FHIP1A: variants seen among roughly 807,000 people sequenced by gnomAD.
FHIP1A encodes FHF complex subunit HOOK interacting protein 1A.
A neutral mutation model predicts 88.6 loss-of-function variants in FHIP1A; 61 were observed. The ratio of observed to expected loss-of-function variants is 0.69; its 90% CI spans 0.56 to 0.85. The LOEUF (loss-of-function observed/expected upper bound fraction) is 0.85. FHIP1A is among the 40% of genes least tolerant of loss of function. The pLI, the probability that FHIP1A is intolerant of heterozygous loss-of-function variation, is 0.00. For missense variants in FHIP1A, 1,154 were observed against 1,273.5 expected (o/e 0.91, Z 1.43); for synonymous variants, 478 against 496.0 (o/e 0.96, Z 0.48).
intron 3 of FHIP1A, among the ~76,000 whole-genome samples, chr4:151,508,700 G>C (rs192420738): frequency 5.9e-5 from 9 of 152,266 alleles, no homozygotes; most frequent in African/African-American, 2.2e-4. Flanking sequence ...CCAAAAATAG[G>C]TGACTTGGAC....
chr4:151,596,894 C>T (rs1181464661), intron 7 of FHIP1A, among the ~76,000 whole-genome samples: 1 of 152,096 alleles, frequency 6.6e-6, no homozygotes, highest in Non-Finnish European at 1.5e-5. Flanking sequence ...ACATTCTTTT[C>T]TAAACTGGTT....
Position 151,656,422 on chromosome 4 carries a change from G to T in FHIP1A, c.2730+12G>T. 1 of 1,550,900 alleles carries T rather than the reference G, an allele frequency of 6.4e-7. No homozygotes were observed. Among genetic ancestry groups the T allele is most frequent in the Non-Finnish European group, 8.7e-7 (1 of 1,146,498 alleles). ...GCTCTCTCTATCAGGTATGTTAGCT[G>T]AACCCACATCCACACCTGTTGATTT... On this transcript the variant is annotated intron_variant, in intron 12 of 13. Coordinates refer to ENST00000435205, the MANE Select transcript of FHIP1A (RefSeq NM_001109977.3). This position sits in a 1 kb window ranked among gnomAD's most constrained non-coding sequence, Gnocchi z 4.2.
At chr4:151,526,376 C>T (rs1364149629) in intron 3 of FHIP1A, among the ~76,000 whole-genome samples, 108 of 151,100 alleles carry the variant, frequency 7.1e-4, no homozygotes, top group Middle Eastern at 3.5e-3. Flanking sequence ...GGCGGCTGGC[C>T]GGGCGGGGGG....
intron 8 of FHIP1A, among the ~76,000 whole-genome samples, chr4:151,630,140 T>G (rs144732567): frequency 4.5e-4 from 69 of 152,312 alleles, no homozygotes; most frequent in African/African-American, 1.6e-3. Flanking sequence ...TTTTAGCACT[T>G]TCTTCTGTAG....
chr4:151,422,883 T>C (rs1355757522), intron 1 of FHIP1A, among the ~76,000 whole-genome samples: 2 of 151,958 alleles, frequency 1.3e-5, no homozygotes, highest in Non-Finnish European at 2.9e-5. Context: ...CTGGTGACTT[T>C]TAGGTTCTCT....
intron 1 of FHIP1A, among the ~76,000 whole-genome samples, chr4:151,413,580 G>A (rs542699683): frequency 3.2e-4 from 48 of 152,124 alleles, no homozygotes; most frequent in African/African-American, 1.1e-3. Context: ...TCAACCTCCC[G>A]AGTAGCTGGG....
intron 3 of FHIP1A, among the ~76,000 whole-genome samples, chr4:151,543,183 G>A (rs1231489038): frequency 2.6e-5 from 4 of 152,156 alleles, no homozygotes; most frequent in Non-Finnish European, 4.4e-5. Flanking sequence ...GGAGTGACTT[G>A]CTTAACCTCA....
chr4:151,467,918 G>A (rs1322075956), intron 2 of FHIP1A, among the ~76,000 whole-genome samples: 1 of 149,874 alleles, frequency 6.7e-6, no homozygotes, highest in Non-Finnish European at 1.5e-5. Context: ...GATAGGTGCC[G>A]CAAACCACCA....
intron 7 of FHIP1A, among the ~76,000 whole-genome samples, chr4:151,623,188 C>T (rs764173162): frequency 6.6e-6 from 1 of 152,182 alleles, no homozygotes; most frequent in Non-Finnish European, 1.5e-5. Context: ...TATTGGTCAG[C>T]TTGTCCTGTG....
At chr4:151,532,927 C>G (rs1731931669) in intron 3 of FHIP1A, 1 of 152,238 alleles carries the variant, frequency 6.6e-6, no homozygotes, top group Non-Finnish European at 1.5e-5. Context: ...AGCCTTGCCC[C>G]CATGATTCAA....
chr4:151,545,447 G>A (rs1242086344), intron 3 of FHIP1A, among the ~76,000 whole-genome samples: 5 of 133,452 alleles, frequency 3.7e-5, no homozygotes, highest in Non-Finnish European at 6.1e-5. Flanking sequence ...GCATGATCTC[G>A]GCTCACTGCA....
intron 1 of FHIP1A, among the ~76,000 whole-genome samples, chr4:151,440,563 G>A (rs1252188171): frequency 2.0e-5 from 3 of 152,058 alleles, no homozygotes; most frequent in Admixed American, 2.0e-4. Context: ...TAGAGAAGTT[G>A]GCAGCCACAC....
At chr4:151,562,271 G>A (rs1733201842) in intron 3 of FHIP1A, among the ~76,000 whole-genome samples, 1 of 151,830 alleles carries the variant, frequency 6.6e-6, no homozygotes, top group South Asian at 2.1e-4. Flanking sequence ...ATATCAGGAG[G>A]GATGAAGAAG....
chr4:151,447,349 T>C lies in FHIP1A; in HGVS notation c.-355-7352T>C, dbSNP rs1415543247. ...TGGTCCTTCTCATGACTGTTCTTTTTGGAAGGCTTACGTGTTCTTAGAGTT... is the reference window on the plus strand; with the variant it reads ...TGGTCCTTCTCATGACTGTTCTTTTCGGAAGGCTTACGTGTTCTTAGAGTT... On this transcript the variant is annotated intron_variant, in intron 1 of 13. Coordinates refer to ENST00000435205, the MANE Select transcript of FHIP1A (RefSeq NM_001109977.3). 5.3e-5 allele frequency among the ~76,000 whole-genome samples: 8 copies of C among 152,298 alleles called. No homozygotes were observed. In the East Asian group the frequency reaches 1.5e-3, roughly 29 times the overall value.
At chr4:151,631,310 A>G (rs1449997267) in intron 8 of FHIP1A, among the ~76,000 whole-genome samples, 1 of 152,174 alleles carries the variant, frequency 6.6e-6, no homozygotes, top group Admixed American at 6.5e-5. Flanking sequence ...ATTACTATCA[A>G]CCTTACAGAA....
At chr4:151,529,525 T>A (rs776093236) in intron 3 of FHIP1A, among the ~76,000 whole-genome samples, 1 of 152,206 alleles carries the variant, frequency 6.6e-6, no homozygotes, top group Non-Finnish European at 1.5e-5. Flanking sequence ...ATTGTTTGCT[T>A]CTAAATCAGG....
intron 3 of FHIP1A, among the ~76,000 whole-genome samples, chr4:151,532,424 CTTTCTT>C (rs1193322490): frequency 6.6e-6 from 1 of 152,204 alleles, no homozygotes; most frequent in Non-Finnish European, 1.5e-5. Flanking sequence ...ACAAGGTACT[CTTTCTT>C]TTTCTACCCT....
intron 3 of FHIP1A, among the ~76,000 whole-genome samples, chr4:151,561,591 T>C (rs1461585555): frequency 1.3e-5 from 2 of 152,214 alleles, no homozygotes; most frequent in Non-Finnish European, 2.9e-5. Context: ...GTTCCCAATA[T>C]TTGATGAGTC....
intron 3 of FHIP1A, among the ~76,000 whole-genome samples, chr4:151,539,206 T>G (rs956153525): frequency 4.6e-5 from 7 of 152,224 alleles, no homozygotes; most frequent in Non-Finnish European, 1.0e-4. Flanking sequence ...TGATACTTTT[T>G]TAAGCAAGAA....
Sources: allele counts gnomAD v4.1 joint callset (sites outside exome capture counted in the v4.1 genomes callset), GRCh38; gene constraint gnomAD v4.1.1; non-coding constraint Gnocchi (gnomAD v3.1); transcripts MANE v1.5; gene names NCBI Gene and HGNC (gene_info 2026-07-23, HGNC 2026-07-21).